PRPF4: variants seen among roughly 807,000 people sequenced by gnomAD.
PRPF4 encodes pre-mRNA splicing tri-snRNP complex factor PRPF4.
Under a neutral mutation model 72.2 loss-of-function variants are expected in PRPF4, and 14 were observed. The observed-to-expected ratio is 0.19, with a 90% CI of 0.13 to 0.30. PRPF4 has a LOEUF of 0.30. Ranked by LOEUF, PRPF4 falls within the 10% of genes least tolerant of loss-of-function variation. PRPF4 has a pLI of 1.00. For missense variants in PRPF4, 478 were observed against 653.9 expected (o/e 0.73, Z 2.93); for synonymous variants, 225 against 232.2 (o/e 0.97, Z 0.28).
chr9:113,279,249 C>T (rs1196868898), intron 3 of PRPF4, 118 bp downstream of exon 3: 1 of 960,620 alleles, frequency 1.0e-6, no homozygotes, highest in African/African-American at 1.7e-5. Context: ...TTAACAATAT[C>T]TTACTGTGTT....
intron 7 of PRPF4, 96 bp downstream of exon 7, chr9:113,284,485 T>C (rs1832377442): frequency 2.0e-6 from 2 of 1,004,328 alleles, no homozygotes; most frequent in Non-Finnish European, 3.1e-6. Context: ...CTACGTCCTC[T>C]TTCTCTGCTT....
In PRPF4 at chr9:113,291,450, C is replaced by G. The variant is rs755765492; in HGVS notation, c.1373-17C>G. 1.3e-6 allele frequency: 2 copies of G among 1,595,554 alleles called. No homozygotes were observed. The highest frequency in any genetic ancestry group is 1.7e-6 in the Non-Finnish European group (2 of 1,166,166). The stretch of plus-strand genomic sequence containing the variant: ...TACTTGAATTCCTCAAGCAATTCCC[C>G]TTCTCTTCTCCTGTAGCTATCCATG... On this transcript the variant is annotated splice_polypyrimidine_tract_variant and intron_variant, in intron 13 of 13. Transcript: ENST00000374198.
At position 113,290,503 on chromosome 9, in the gene PRPF4, C is replaced by G. The variant is rs1437581410; in HGVS notation, c.1060C>G (p.Gln354Glu). Reference sequence around the variant, plus strand: ...ATGGCGCTTATGGGATTTGGAGGCTCAAGAGGAGATCCTGCATCAGGAAGG... The same window carrying G: ...ATGGCGCTTATGGGATTTGGAGGCTGAAGAGGAGATCCTGCATCAGGAAGG... ...RSWRLWDLEA[Q>E]EEILHQEGHS... The change falls in exon 11 of 14, where the codon CAA (glutamine) becomes GAA (glutamate). Residue 354 changes from glutamine (Q) to glutamate (E), a missense_variant. By Grantham distance (29) the Gln-to-Glu change is conservative. Coordinates refer to ENST00000374198, the MANE Select transcript of PRPF4 (RefSeq NM_001244926.2). The G allele has an allele frequency of 6.2e-7, 1 of 1,614,100 alleles. No individual in the cohort carries two copies. Among genetic ancestry groups the G allele is most frequent in the Non-Finnish European group, 8.5e-7 (1 of 1,180,024 alleles).
intron 10 of PRPF4, among the ~76,000 whole-genome samples, chr9:113,288,529 C>T (rs1053478280): frequency 5.3e-5 from 8 of 151,870 alleles, no homozygotes; most frequent in Admixed American, 1.3e-4. Flanking sequence ...CGCCGTCTCC[C>T]GGGTTCAAGC....
At chr9:113,287,366 G>A (rs1487626341) in intron 9 of PRPF4, among the ~76,000 whole-genome samples, 1 of 152,198 alleles carries the variant, frequency 6.6e-6, no homozygotes, top group Non-Finnish European at 1.5e-5. Context: ...AGAGGAAAGT[G>A]AGGTTCTGTC....
At chr9:113,288,695 C>G (rs1183892776) in intron 10 of PRPF4, among the ~76,000 whole-genome samples, 1 of 152,080 alleles carries the variant, frequency 6.6e-6, no homozygotes, top group Non-Finnish European at 1.5e-5. Flanking sequence ...CCTCAGCCTC[C>G]CAAAGTGCTG....
intron 5 of PRPF4, 35 bp downstream of exon 5, chr9:113,283,246 T>C (rs1261341222): frequency 6.2e-7 from 1 of 1,613,920 alleles, no homozygotes; most frequent in Non-Finnish European, 8.5e-7. Flanking sequence ...AAGAAGCATA[T>C]TTTTTGTGTG....
intron 11 of PRPF4, 31 bp from the exon 12 acceptor site, chr9:113,290,669 C>T: frequency 6.2e-7 from 1 of 1,614,076 alleles, no homozygotes; most frequent in Non-Finnish European, 8.5e-7. Flanking sequence ...GAACTGGATT[C>T]AAAGTGTTCA....
In PRPF4 at chr9:113,282,701, G is replaced by A; in HGVS notation, c.448G>A (p.Asp150Asn). 1 of 1,611,826 alleles carries A rather than the reference G, an allele frequency of 6.2e-7. No homozygotes were observed. Among genetic ancestry groups the A allele is most frequent in the East Asian group, 2.2e-5 (1 of 44,796 alleles). The change falls in exon 4 of 14, where the codon GAT becomes AAT. Residue 150 changes from aspartate (D) to asparagine (N), a missense_variant. By Grantham distance (23) the Asp-to-Asn change is conservative. Coordinates refer to ENST00000374198, the MANE Select transcript of PRPF4 (RefSeq NM_001244926.2). ...TGATGCCTTGAAAAAGACCAAAAAGGATGATGAGAAGTCTAAAAAGTCCAA... is the reference window on the plus strand; with the variant it reads ...TGATGCCTTGAAAAAGACCAAAAAGAATGATGAGAAGTCTAAAAAGTCCAA... The part of the protein sequence containing the change: ...GTDALKKTKK[D>N]DEKSKKSKEE...
At chr9:113,283,901 C>G (rs991514909) in intron 6 of PRPF4, among the ~76,000 whole-genome samples, 18 of 151,902 alleles carry the variant, frequency 1.2e-4, no homozygotes, top group African/African-American at 4.4e-4. Context: ...AACCCTGTCT[C>G]TACTAAAAAT....
chr9:113,286,514 A>G (rs573813484), intron 8 of PRPF4, among the ~76,000 whole-genome samples, 191 bp from the exon 9 acceptor site: 10 of 152,330 alleles, frequency 6.6e-5, no homozygotes, highest in South Asian at 4.1e-4. Context: ...TAAACCAAAA[A>G]CCAAAATGGG....
At position 113,286,826 on chromosome 9, in the gene PRPF4, C is replaced by T. The variant is rs561639600; in HGVS notation, c.930C>T (p.Asp310=). The T allele has an allele frequency of 6.2e-7, 1 of 1,614,146 alleles. No individual in the cohort carries two copies. Among genetic ancestry groups the T allele is most frequent in the South Asian group, 1.1e-5 (1 of 91,088 alleles). Residue 310 remains aspartate, a splice_region_variant and synonymous_variant, in exon 9 of 14, where the codon GAC becomes GAT. Transcript: ENST00000374198. The stretch of plus-strand genomic sequence containing the variant: ...GCTCTGTGAAGCTTTGGAGTCTCGA[C>T]AGGTGAATATCACTGTTCTGTGGCC... ...ADGSVKLWSL[D]SDEPVADIEG...
At chr9:113,276,074 A>AAATGGGATCTC (rs1367661428) in intron 1 of PRPF4, among the ~76,000 whole-genome samples, 2 of 152,228 alleles carry the variant, frequency 1.3e-5, no homozygotes, top group Non-Finnish European at 2.9e-5. Flanking sequence ...CCTTTGGCAG[A>AAATGGGATCTC]TCTCAGAATT....
At position 113,292,338 on chromosome 9, in the gene PRPF4, A is replaced by G. The variant is rs371701784; in HGVS notation, c.*678A>G. Reference sequence around the variant, plus strand: ...ATAACATGGTACATGCTTCAGGACTACATATGACCCAGAGAGCAAGGTGGC... The same window carrying G: ...ATAACATGGTACATGCTTCAGGACTGCATATGACCCAGAGAGCAAGGTGGC... On this transcript the variant is annotated 3_prime_UTR_variant, in exon 14 of 14. Coordinates refer to ENST00000374198, the MANE Select transcript of PRPF4 (RefSeq NM_001244926.2). 6.6e-6 allele frequency: 1 copy of G among 152,384 alleles called. No homozygotes were observed. The allele number at this position is 152,384 out of a possible 1,614,324, so 9.4% of individuals were successfully genotyped here.
At chr9:113,288,842 T>C (rs1225230154) in intron 10 of PRPF4, among the ~76,000 whole-genome samples, 2 of 152,236 alleles carry the variant, frequency 1.3e-5, no homozygotes, top group Admixed American at 6.5e-5. Context: ...AAGTCTCCCT[T>C]CCTGGTTCTG....
At chr9:113,278,814 A>G in intron 2 of PRPF4, 131 bp from the exon 3 acceptor site, 1 of 911,128 alleles carries the variant, frequency 1.1e-6, no homozygotes, top group Non-Finnish European at 1.6e-6. Flanking sequence ...ATAAACTGAA[A>G]AACAGTAAAC....
intron 8 of PRPF4, 126 bp downstream of exon 8, chr9:113,286,416 T>C: frequency 9.8e-7 from 1 of 1,024,882 alleles, no homozygotes; most frequent in Non-Finnish European, 1.5e-6. Flanking sequence ...TGACTTGGTT[T>C]TCTCTGGCTG....
Position 113,290,690 on chromosome 9 carries a change from A to G in PRPF4, c.1146-10A>G, listed in dbSNP as rs369498113. ...GATTCAAAGTGTTCATTTCTAAATT[A>G]TTTTCTCAGGGGACTGGATGCATTT... On this transcript the variant is annotated splice_polypyrimidine_tract_variant and intron_variant, in intron 11 of 13. Coordinates refer to ENST00000374198, the MANE Select transcript of PRPF4 (RefSeq NM_001244926.2). The G allele has an allele frequency of 1.2e-6, 2 of 1,613,968 alleles. No homozygotes were observed. The highest frequency in any genetic ancestry group is 1.7e-6 in the Non-Finnish European group (2 of 1,179,982).
intron 2 of PRPF4, among the ~76,000 whole-genome samples, chr9:113,278,626 G>A (rs1170067385): frequency 1.3e-5 from 2 of 152,178 alleles, no homozygotes; most frequent in African/African-American, 4.8e-5. Flanking sequence ...TACATCTTCT[G>A]GATAGACAGC....
Sources: gnomAD v4.1 joint callset for allele counts (sites outside exome capture counted in the v4.1 genomes callset) on GRCh38, gnomAD v4.1.1 for gene constraint, MANE v1.5 for transcripts, NCBI Gene and HGNC (gene_info 2026-07-23, HGNC 2026-07-21) for gene names.